P2RX3: variants seen among roughly 807,000 people sequenced by gnomAD.
The protein encoded by P2RX3 is purinergic receptor P2X 3.
Under a neutral mutation model 51.5 loss-of-function variants are expected in P2RX3, and 41 were observed. The observed-to-expected ratio is 0.80, with a 90% CI of 0.62 to 1.03. The LOEUF is 1.03. P2RX3 is among the 50% of genes least tolerant of loss of function. The pLI is 0.00. For synonymous variants in P2RX3, 185 were observed against 191.6 expected (o/e 0.97, Z 0.29); for missense variants, 459 against 522.1 (o/e 0.88, Z 1.18).
intron 8 of P2RX3, among the ~76,000 whole-genome samples, chr11:57,365,081 G>A (rs1392436905): frequency 6.6e-6 from 1 of 152,132 alleles, no homozygotes; most frequent in Non-Finnish European, 1.5e-5. Context: ...CCCACGCATA[G>A]GCAGAGACAG....
chr11:57,360,460 AC>A (rs1856696921), intron 8 of P2RX3, among the ~76,000 whole-genome samples: 2 of 152,044 alleles, frequency 1.3e-5, no homozygotes, highest in South Asian at 4.2e-4. Flanking sequence ...CATTTACTCA[AC>A]CCCCTACTGT....
At chr11:57,341,205 G>C (rs1253104246) in intron 1 of P2RX3, among the ~76,000 whole-genome samples, 1 of 152,154 alleles carries the variant, frequency 6.6e-6, no homozygotes, top group Admixed American at 6.5e-5. Flanking sequence ...AGTAGGAGTG[G>C]GTGCAGGAAA....
intron 7 of P2RX3, 44 bp downstream of exon 7, chr11:57,349,942 T>C: frequency 6.2e-7 from 1 of 1,609,706 alleles, no homozygotes; most frequent in Non-Finnish European, 8.5e-7. Context: ...CTCCCCACCT[T>C]CAGCCCTTTC....
intron 5 of P2RX3, 85 bp from the exon 6 acceptor site, chr11:57,348,542 C>A (rs1480818640): frequency 2.6e-6 from 3 of 1,166,066 alleles, no homozygotes; most frequent in Admixed American, 3.5e-5. Context: ...TGGAGGCATC[C>A]ACCAGGAAAG....
chr11:57,352,516 A>G (rs534724360), intron 8 of P2RX3, among the ~76,000 whole-genome samples: 3 of 152,340 alleles, frequency 2.0e-5, no homozygotes, highest in African/African-American at 4.8e-5. Flanking sequence ...TTTCATCTTC[A>G]TAACTTCCCT....
intron 2 of P2RX3, 142 bp downstream of exon 2, chr11:57,346,821 G>C: frequency 7.8e-7 from 1 of 1,273,924 alleles, no homozygotes; most frequent in East Asian, 2.5e-5. Flanking sequence ...TCCCCCAGCA[G>C]CTGAGAGCTG....
Position 57,372,282 on chromosome 11 carries a change from A to G in P2RX3, c.*2285A>G, listed in dbSNP as rs114891715. ...TCATTCAACATAAAAGCCAACACTG[A>G]TTACTTACTATTGGCAGGCAATGGA... On this transcript the variant is annotated 3_prime_UTR_variant, in exon 12 of 12. Coordinates refer to ENST00000263314, the MANE Select transcript of P2RX3 (RefSeq NM_002559.5). 6.6e-4 allele frequency among the ~76,000 whole-genome samples: 101 copies of G among 152,296 alleles called. No homozygotes were observed. The highest frequency in any genetic ancestry group is 2.3e-3 in the African/African-American group (97 of 41,558).
chr11:57,339,801 G>A lies in P2RX3; in HGVS notation c.119+1132G>A, dbSNP rs1035611931. Among the ~76,000 whole-genome samples the A allele has an allele frequency of 3.9e-5, 6 of 152,206 alleles. No individual in the cohort carries two copies. The East Asian group carries it at 9.6e-4, about 24-fold the overall frequency. ...GTGTGCCTGTGGGCTGAAGCTGCAT[G>A]CAAACCTGCTTGCTTGAAATGTTGA... On this transcript the variant is annotated intron_variant, in intron 1 of 11. Coordinates refer to ENST00000263314, the MANE Select transcript of P2RX3 (RefSeq NM_002559.5).
upstream of P2RX3, among the ~76,000 whole-genome samples, chr11:57,337,328 A>G (rs7480859): frequency 4.9e-4 from 3 of 6,164 alleles, no homozygotes; most frequent in Non-Finnish European, 1.9e-3. Context: ...AAAGAAAAAA[A>G]AAAGGAAGGG....
chr11:57,358,320 C>T (rs917264223), intron 8 of P2RX3, among the ~76,000 whole-genome samples: 1 of 152,200 alleles, frequency 6.6e-6, no homozygotes, highest in Non-Finnish European at 1.5e-5. Context: ...AGGTCTCTTT[C>T]AACTTCCAGA....
intron 1 of P2RX3, among the ~76,000 whole-genome samples, chr11:57,343,985 A>T (rs1190910388): frequency 3.3e-5 from 5 of 152,182 alleles, no homozygotes; most frequent in African/African-American, 1.2e-4. Flanking sequence ...TTTCTACGTG[A>T]GGCATACTTC....
At chr11:57,342,706 T>C (rs1856363560) in intron 1 of P2RX3, among the ~76,000 whole-genome samples, 2 of 152,072 alleles carry the variant, frequency 1.3e-5, no homozygotes. Flanking sequence ...TCAAGTGCCT[T>C]GCGGAGATGG....
rs1202308298 is a variant in P2RX3, at chr11:57,350,905, C to A, written c.842+7C>A. 1 of 1,614,106 alleles carries A rather than the reference C, an allele frequency of 6.2e-7. No individual in the cohort carries two copies. Among genetic ancestry groups the A allele is most frequent in the Non-Finnish European group, 8.5e-7 (1 of 1,180,032 alleles). On this transcript the variant is annotated splice_region_variant and intron_variant, in intron 8 of 11. Coordinates refer to ENST00000263314, the MANE Select transcript of P2RX3 (RefSeq NM_002559.5). ...CCCCAGGCTACAACTTCAGGTAATT[C>A]CCTGTCTCCTGGGACACCAGGAGAA...
rs146765774 is a variant in P2RX3 at position 57,351,341 on chromosome 11, C to T, written c.842+443C>T. On this transcript the variant is annotated intron_variant, in intron 8 of 11. Transcript: ENST00000263314. Reference sequence around the variant, plus strand: ...TATCATTTTACATTTTACAAGATGGCAACTTTGCATTTCTCTCCGCAAACG... The same window carrying T: ...TATCATTTTACATTTTACAAGATGGTAACTTTGCATTTCTCTCCGCAAACG... 2.7e-3 allele frequency among the ~76,000 whole-genome samples: 415 copies of T among 152,296 alleles called. 2 individuals carry two copies. Among genetic ancestry groups the T allele is most frequent in the African/African-American group, 9.7e-3 (401 of 41,554 alleles).
In P2RX3 at chr11:57,346,816, C is replaced by T. The variant is rs560411855; in HGVS notation, c.255+137C>T. The T allele has an allele frequency of 4.0e-5, 52 of 1,301,296 alleles. No individual in the cohort carries two copies. The African/African-American group carries it at 5.7e-4, about 14-fold the overall frequency. 80.6% of individuals were successfully genotyped at this position (1,301,296 alleles called of 1,614,324 possible). A position where few individuals can be genotyped will look rare whatever the true frequency, so the allele number is the denominator to read the frequency against. On this transcript the variant is annotated intron_variant, in intron 2 of 11. Coordinates refer to ENST00000263314, the MANE Select transcript of P2RX3 (RefSeq NM_002559.5). ...TCACTGATCCAGAGGACCTCTCCCC[C>T]AGCAGCTGAGAGCTGTGTGAGAGCT...
chr11:57,335,995 CCT>C (rs1186999039), upstream of P2RX3: 5 of 152,224 alleles, frequency 3.3e-5, no homozygotes, highest in Non-Finnish European at 4.4e-5. This position sits in a 1 kb window ranked among gnomAD's most constrained non-coding sequence, Gnocchi z 4.6. Context: ...TGCCGTGAAG[CCT>C]CTCTCACCCA....
rs776377638 is a variant in P2RX3 at position 57,338,460 on chromosome 11, T to C, written c.-91T>C. 2.6e-5 allele frequency: 20 copies of C among 777,908 alleles called. No individual in the cohort carries two copies. The highest frequency in any genetic ancestry group is 1.1e-4 in the Admixed American group (6 of 53,558). The allele number at this position is 777,908 out of a possible 1,614,324, so 48.2% of individuals were successfully genotyped here. ...ACCCCTCTAAGCTGCCCCCTCCAGG[T>C]CGTGATCTCGTCTCCCTGTCCTGTA... On this transcript the variant is annotated 5_prime_UTR_variant, in exon 1 of 12. Transcript: ENST00000263314.
Position 57,370,288 on chromosome 11 carries a change from AG to A in P2RX3, c.*293del, listed in dbSNP as rs1487695393. The A allele has an allele frequency of 1.1e-5, 4 of 375,758 alleles. No homozygotes were observed. Among genetic ancestry groups the A allele is most frequent in the Non-Finnish European group, 1.9e-5 (4 of 206,992 alleles). 23.3% of individuals were successfully genotyped at this position (375,758 alleles called of 1,614,324 possible). A position where few individuals can be genotyped will look rare whatever the true frequency, so the allele number is the denominator to read the frequency against. On this transcript the variant is annotated 3_prime_UTR_variant, in exon 12 of 12. Transcript: ENST00000263314. ...TCCCAAAGAGTAGAGATTATAATGTAGGACAGATGGCCACAAGGGCCTACCA... is the reference window on the plus strand; with the variant it reads ...TCCCAAAGAGTAGAGATTATAATGTAGACAGATGGCCACAAGGGCCTACCA...
intron 8 of P2RX3, among the ~76,000 whole-genome samples, chr11:57,354,625 G>A (rs1269459299): frequency 1.3e-5 from 2 of 152,076 alleles, no homozygotes; most frequent in African/African-American, 4.8e-5. Context: ...AAAGTCCTGG[G>A]AACAGGTGAT....
Sources: gnomAD v4.1 joint callset for allele counts (sites outside exome capture counted in the v4.1 genomes callset) on GRCh38, gnomAD v4.1.1 for gene constraint, Gnocchi (gnomAD v3.1) non-coding constraint, MANE v1.5 for transcripts, NCBI Gene and HGNC (gene_info 2026-07-23, HGNC 2026-07-21) for gene names.